NALF1: variants seen among roughly 807,000 people sequenced by gnomAD.
NALF1 encodes family with sequence similarity 155 member A.
In NALF1, 3 loss-of-function variants were observed where a neutral mutation model predicts 48.4. That is an observed-to-expected ratio of 0.06 (90% CI 0.03 to 0.16). The LOEUF (loss-of-function observed/expected upper bound fraction) is 0.16, where lower values mean the gene tolerates loss of function less well. Among genes scored for constraint, NALF1 ranks in the 10% least tolerant of loss-of-function variants. The pLI is 1.00. For synonymous variants in NALF1, 262 were observed against 245.7 expected (o/e 1.07, Z -0.62); for missense variants, 526 against 571.5 (o/e 0.92, Z 0.81).
At chr13:107,510,851 G>C (rs553865504) in intron 1 of NALF1, among the ~76,000 whole-genome samples, 1 of 152,252 alleles carries the variant, frequency 6.6e-6, no homozygotes, top group South Asian at 2.1e-4. Context: ...TCATGGGATG[G>C]ACTGTTGCTT....
intron 1 of NALF1, among the ~76,000 whole-genome samples, chr13:107,339,188 C>T (rs1882622520): frequency 6.6e-6 from 1 of 150,544 alleles, no homozygotes; most frequent in Admixed American, 6.6e-5. Context: ...CATCTAGTAA[C>T]TGCAATGAAA....
intron 1 of NALF1, among the ~76,000 whole-genome samples, chr13:107,366,635 T>C (rs1883156667): frequency 6.6e-6 from 1 of 152,210 alleles, no homozygotes; most frequent in South Asian, 2.1e-4. Flanking sequence ...ATTTTTGCTT[T>C]GGAAAATAAA....
chr13:107,536,779 C>T (rs952313486), intron 1 of NALF1, among the ~76,000 whole-genome samples: 4 of 152,100 alleles, frequency 2.6e-5, no homozygotes, highest in African/African-American at 4.8e-5. Context: ...CACATGCACA[C>T]GTATGTTTAC....
At chr13:107,529,335 G>A (rs569625188) in intron 1 of NALF1, among the ~76,000 whole-genome samples, 4 of 152,252 alleles carry the variant, frequency 2.6e-5, no homozygotes, top group South Asian at 2.1e-4. Context: ...TCACTTCACC[G>A]ATCCAGGCCT....
At chr13:107,385,443 C>T (rs1883511349) in intron 1 of NALF1, among the ~76,000 whole-genome samples, 1 of 151,254 alleles carries the variant, frequency 6.6e-6, no homozygotes, top group South Asian at 2.1e-4. Flanking sequence ...ATCCCAGATG[C>T]TCAGGAGGCT....
chr13:107,465,465 T>G (rs999220735), intron 1 of NALF1, among the ~76,000 whole-genome samples: 4 of 152,188 alleles, frequency 2.6e-5, no homozygotes, highest in Non-Finnish European at 4.4e-5. Flanking sequence ...TGGGTCTCTG[T>G]GCTCTGGGAA....
rs116431144 is a variant in NALF1, at chr13:107,658,067, G to A, written c.915+207615C>T. 7.4e-3 allele frequency among the ~76,000 whole-genome samples: 1,123 copies of A among 152,258 alleles called. 18 individuals carry two copies. The highest frequency in any genetic ancestry group is 0.026 in the African/African-American group (1,082 of 41,552). On this transcript the variant is annotated intron_variant, in intron 1 of 2. Coordinates refer to ENST00000375915, the MANE Select transcript of NALF1 (RefSeq NM_001080396.3). ...GTTCCCAGGGACCCTTTAAAATGCC[G>A]ATTGTTGGTCTGACAGTGGTCTTCT...
At chr13:107,767,896 A>G (rs921318666) in intron 1 of NALF1, among the ~76,000 whole-genome samples, 1 of 152,226 alleles carries the variant, frequency 6.6e-6, no homozygotes, top group Non-Finnish European at 1.5e-5. Flanking sequence ...AAGAGACACA[A>G]TTAAAGAGTG....
intron 1 of NALF1, among the ~76,000 whole-genome samples, chr13:107,782,218 T>C (rs1176791271): frequency 6.6e-6 from 1 of 152,178 alleles, no homozygotes; most frequent in Non-Finnish European, 1.5e-5. Context: ...CACGCCTGAC[T>C]GGTTTTCGTA....
At chr13:107,825,907 A>G (rs949485600) in intron 1 of NALF1, among the ~76,000 whole-genome samples, 3 of 152,252 alleles carry the variant, frequency 2.0e-5, no homozygotes, top group Admixed American at 2.0e-4. Context: ...CAGCCTCCCA[A>G]GTAGCTAGGA....
chr13:107,768,513 T>C (rs1487048623), intron 1 of NALF1, among the ~76,000 whole-genome samples: 1 of 152,220 alleles, frequency 6.6e-6, no homozygotes, highest in African/African-American at 2.4e-5. Flanking sequence ...GACTTATTTT[T>C]TTCTACTAAG....
chr13:107,610,637 G>A (rs1399412310), intron 1 of NALF1, among the ~76,000 whole-genome samples: 2 of 152,106 alleles, frequency 1.3e-5, no homozygotes, highest in African/African-American at 4.8e-5. Flanking sequence ...AAGAGAATTT[G>A]AACATTATTT....
intron 1 of NALF1, among the ~76,000 whole-genome samples, chr13:107,474,570 A>G (rs1885150124): frequency 6.6e-6 from 1 of 152,240 alleles, no homozygotes; most frequent in African/African-American, 2.4e-5. Context: ...TTAGAGAAAA[A>G]TACACATACA....
At chr13:107,372,468 G>A (rs1476813540) in intron 1 of NALF1, among the ~76,000 whole-genome samples, 2 of 152,328 alleles carry the variant, frequency 1.3e-5, no homozygotes, top group East Asian at 1.9e-4. Context: ...ACTATTCACA[G>A]TATGCCTATT....
intron 1 of NALF1, among the ~76,000 whole-genome samples, chr13:107,857,644 T>G (rs1323599932): frequency 6.6e-6 from 1 of 152,242 alleles, no homozygotes; most frequent in East Asian, 1.9e-4. Context: ...ATGAAACATT[T>G]TACTCCAACT....
At chr13:107,190,669 C>A (rs1879261720) in intron 2 of NALF1, among the ~76,000 whole-genome samples, 1 of 152,046 alleles carries the variant, frequency 6.6e-6, no homozygotes, top group South Asian at 2.1e-4. Flanking sequence ...ATAAGAAAAT[C>A]ATTCTCAATA....
chr13:107,385,851 A>T (rs999751979), intron 1 of NALF1, among the ~76,000 whole-genome samples: 3 of 152,154 alleles, frequency 2.0e-5, no homozygotes, highest in African/African-American at 7.2e-5. Flanking sequence ...TTTCTCACTC[A>T]GTTATAATAC....
intron 1 of NALF1, among the ~76,000 whole-genome samples, chr13:107,726,045 G>C (rs1293015975): frequency 6.6e-6 from 1 of 152,114 alleles, no homozygotes; most frequent in Non-Finnish European, 1.5e-5. Context: ...GGGTGTGCCT[G>C]CATGTGGCCT....
At chr13:107,828,164 A>G (rs933148079) in intron 1 of NALF1, among the ~76,000 whole-genome samples, 8 of 152,192 alleles carry the variant, frequency 5.3e-5, no homozygotes, top group Non-Finnish European at 2.9e-5. Context: ...ACTTTTATTA[A>G]GCCATGCAAT....
Sources: gnomAD v4.1 joint callset for allele counts (sites outside exome capture counted in the v4.1 genomes callset) on GRCh38, gnomAD v4.1.1 for gene constraint, MANE v1.5 for transcripts, NCBI Gene and HGNC (gene_info 2026-07-23, HGNC 2026-07-21) for gene names.